ERBB2: variants seen among roughly 807,000 people sequenced by gnomAD.
The protein encoded by ERBB2 is receptor tyrosine-protein kinase erbB-2.
Under a neutral mutation model 149.0 loss-of-function variants are expected in ERBB2, and 61 were observed. The ratio of observed to expected loss-of-function variants is 0.41; its 90% confidence interval spans 0.33 to 0.51. The LOEUF (loss-of-function observed/expected upper bound fraction) is 0.51, where lower values mean the gene tolerates loss of function less well. Among genes scored for constraint, ERBB2 ranks in the 20% least tolerant of loss-of-function variants. The pLI, the probability that ERBB2 is intolerant of heterozygous loss-of-function variation, is 0.25. For missense variants in ERBB2, 1,205 were observed against 1,655.1 expected, an observed-to-expected ratio of 0.73 and a Z score of 4.72; for synonymous variants, 633 against 678.8, an observed-to-expected ratio of 0.93 and a Z score of 1.05.
chr17:39,691,910 C>T (rs143112208), upstream of ERBB2, among the ~76,000 whole-genome samples: 1,238 of 82,986 alleles, frequency 0.015, 4 homozygotes, highest in African/African-American at 0.038. Context: ...GATATATATA[C>T]ATATACATAT....
upstream of ERBB2, among the ~76,000 whole-genome samples, chr17:39,690,815 C>T (rs797019183): frequency 1.3e-5 from 2 of 152,104 alleles, no homozygotes; most frequent in South Asian, 4.1e-4. Context: ...TGTGTATCAG[C>T]CATTGTACTC....
At chr17:39,704,509 G>A (rs1183781712) in intron 1 of ERBB2, among the ~76,000 whole-genome samples, 1 of 152,108 alleles carries the variant, frequency 6.6e-6, no homozygotes, top group Admixed American at 6.5e-5. Flanking sequence ...GGAGGCAGAG[G>A]TTGCAGTGAG....
chr17:39,694,286 T>C (rs930551738), upstream of ERBB2, among the ~76,000 whole-genome samples: 77 of 45,088 alleles, frequency 1.7e-3, no homozygotes, highest in Non-Finnish European at 3.2e-3. Flanking sequence ...TATATATATA[T>C]ATACACATAT....
At chr17:39,705,763 A>G (rs540390959) in intron 1 of ERBB2, among the ~76,000 whole-genome samples, 4 of 152,136 alleles carry the variant, frequency 2.6e-5, no homozygotes, top group African/African-American at 7.2e-5. Flanking sequence ...TTAGGCTCCA[A>G]CTTGCTGGGA....
chr17:39,716,158 C>A, intron 12 of ERBB2, 143 bp from the exon 13 acceptor site: 1 of 1,046,074 alleles, frequency 9.6e-7, no homozygotes, highest in Non-Finnish European at 1.4e-6. Flanking sequence ...TTTCTGAAAT[C>A]TCAGAACTCT....
intron 9 of ERBB2, among the ~76,000 whole-genome samples, chr17:39,713,859 C>T (rs928307484): frequency 2.0e-5 from 3 of 151,474 alleles, no homozygotes; most frequent in African/African-American, 7.3e-5. Context: ...AATTCAAGAA[C>T]AGCGTGGGCA....
At chr17:39,692,325 A>T (rs1257608868), upstream of ERBB2, among the ~76,000 whole-genome samples, 4 of 152,106 alleles carry the variant, frequency 2.6e-5, no homozygotes, top group Non-Finnish European at 5.9e-5. Context: ...ATCTAGAAAG[A>T]TAAAAAAGAA....
intron 19 of ERBB2, among the ~76,000 whole-genome samples, 186 bp downstream of exon 19, chr17:39,724,196 G>GCAA (rs2059606459): frequency 6.6e-6 from 1 of 150,580 alleles, no homozygotes; most frequent in Admixed American, 6.6e-5. Context: ...TCGGCTCACT[G>GCAA]CAACCTCCAC....
Position 39,728,278 on chromosome 17 carries a change from C to T in ERBB2, c.*234C>T, listed in dbSNP as rs1567918025. ...GGGGAGTCTTTGTGGATTCTGAGGC[C>T]CTGCCCAATGAGACTCTAGGGTCCA... On this transcript the variant is annotated 3_prime_UTR_variant, in exon 27 of 27. Coordinates refer to ENST00000269571, the MANE Select transcript of ERBB2 (RefSeq NM_004448.4). The T allele has an allele frequency of 4.4e-6, 2 of 456,998 alleles. No homozygotes were observed. The highest frequency in any genetic ancestry group is 5.3e-5 in the South Asian group (1 of 18,964). The allele number at this position is 456,998 out of a possible 1,614,324, so 28.3% of individuals were successfully genotyped here.
At position 39,725,505 on chromosome 17, in the gene ERBB2, G is replaced by A. The variant is rs2059703650; in HGVS notation, c.2725+103G>A. The A allele has an allele frequency of 7.6e-7, 1 of 1,311,448 alleles. No homozygotes were observed. The highest frequency in any genetic ancestry group is 1.4e-5 in the African/African-American group (1 of 69,362). The allele number at this position is 1,311,448 out of a possible 1,614,324, so 81.2% of individuals were successfully genotyped here. A position where few individuals can be genotyped will look rare whatever the true frequency, so the allele number is the denominator to read the frequency against. ...TTACGGGGCCACCTCAGCATGTGAA[G>A]GGAGGGAAGGGGCTGCCTGTGCCCC... On this transcript the variant is annotated intron_variant, in intron 22 of 26. Transcript: ENST00000269571. The surrounding 1 kb of genome is among the most constrained non-coding windows in gnomAD (Gnocchi z 4.6).
At position 39,700,126 on chromosome 17, in the gene ERBB2, G is replaced by A; in HGVS notation, c.-113G>A. Reference sequence around the variant, plus strand: ...CGGGCAGCCGCGCGCCCCTTCCCACGGGGCCCTTTACTGCGCCGCGCGCCC... The same window carrying A: ...CGGGCAGCCGCGCGCCCCTTCCCACAGGGCCCTTTACTGCGCCGCGCGCCC... On this transcript the variant is annotated 5_prime_UTR_variant, in exon 1 of 27. Coordinates refer to ENST00000269571, the MANE Select transcript of ERBB2 (RefSeq NM_004448.4). 2 of 1,297,594 alleles carry A rather than the reference G, an allele frequency of 1.5e-6. No individual in the cohort carries two copies. Among genetic ancestry groups the A allele is most frequent in the Non-Finnish European group, 1.9e-6 (2 of 1,027,396 alleles). The allele number at this position is 1,297,594 out of a possible 1,614,324, so 80.4% of individuals were successfully genotyped here.
chr17:39,726,003 A>T lies in ERBB2; in HGVS notation c.2872+150A>T. 1 of 759,516 alleles carries T rather than the reference A, an allele frequency of 1.3e-6. No homozygotes were observed. The highest frequency in any genetic ancestry group is 1.8e-5 in the African/African-American group (1 of 56,240). 47.0% of individuals were successfully genotyped at this position (759,516 alleles called of 1,614,324 possible). ...CTCAAAACCTTCTTGTATCCCTTTT[A>T]CAGTCAAAGTCCAAAGCCACTCTTG... On this transcript the variant is annotated intron_variant, in intron 23 of 26. Transcript: ENST00000269571. This position sits in a 1 kb window ranked among gnomAD's most constrained non-coding sequence, Gnocchi z 5.1.
intron 9 of ERBB2, among the ~76,000 whole-genome samples, chr17:39,714,450 C>T (rs1488432891): frequency 6.6e-6 from 1 of 152,218 alleles, no homozygotes; most frequent in African/African-American, 2.4e-5. Context: ...GTTTCTTCAT[C>T]TGTAAAGTGG....
intron 15 of ERBB2, among the ~76,000 whole-genome samples, chr17:39,718,880 A>G (rs1190188715): frequency 1.3e-5 from 2 of 152,178 alleles, no homozygotes; most frequent in African/African-American, 4.8e-5. Flanking sequence ...TATGCCCCCT[A>G]GTGGGAATAC....
At chr17:39,704,297 C>T (rs796094845) in intron 1 of ERBB2, among the ~76,000 whole-genome samples, 42 of 152,230 alleles carry the variant, frequency 2.8e-4, no homozygotes, top group African/African-American at 9.6e-4. Flanking sequence ...CAACGGGGAC[C>T]AGGTGCCGTG....
upstream of ERBB2, among the ~76,000 whole-genome samples, chr17:39,692,422 T>TTTTG (rs375364772): frequency 1.4e-5 from 2 of 145,202 alleles, no homozygotes; most frequent in South Asian, 4.4e-4. Flanking sequence ...TTTTTTTTTT[T>TTTTG]AAACGGAGTT....
Position 39,707,008 on chromosome 17 carries a change from T to C in ERBB2, c.92T>C (p.Met31Thr), listed in dbSNP as rs2058483537. 6.3e-7 allele frequency: 1 copy of C among 1,593,700 alleles called. No individual in the cohort carries two copies. The highest frequency in any genetic ancestry group is 1.1e-5 in the South Asian group (1 of 88,132). Residue 31 changes from methionine (M) to threonine (T), a missense_variant, in exon 2 of 27, where the codon ATG becomes ACG. Met to Thr is a moderately conservative substitution (Grantham distance 81, BLOSUM62 -1). Coordinates refer to ENST00000269571, the MANE Select transcript of ERBB2 (RefSeq NM_004448.4). The part of the protein sequence containing the change: ...ASTQVCTGTD[M>T]KLRLPASPET... ...CTGCCAGTGTGCACCGGCACAGACATGAAGCTGCGGCTCCCTGCCAGTCCC... is the reference window on the plus strand; with the variant it reads ...CTGCCAGTGTGCACCGGCACAGACACGAAGCTGCGGCTCCCTGCCAGTCCC...
chr17:39,708,460 C>T lies in ERBB2; in HGVS notation c.365C>T (p.Pro122Leu), dbSNP rs370959592. 3.4e-5 allele frequency: 55 copies of T among 1,614,074 alleles called. No homozygotes were observed. Among genetic ancestry groups the T allele is most frequent in the Middle Eastern group, 1.6e-4 (1 of 6,084 alleles). ...CTGGCCGTGCTAGACAATGGAGACCCGCTGAACAATACCACCCCTGTCACA... is the reference window on the plus strand; with the variant it reads ...CTGGCCGTGCTAGACAATGGAGACCTGCTGAACAATACCACCCCTGTCACA... ...YALAVLDNGD[P>L]LNNTTPVTGA... Residue 122 changes from proline to leucine, a missense_variant, in exon 3 of 27, where the codon CCG (proline) becomes CTG (leucine). Transcript: ENST00000269571.
At chr17:39,716,030 C>A in intron 12 of ERBB2, 91 bp downstream of exon 12, 1 of 1,313,922 alleles carries the variant, frequency 7.6e-7, no homozygotes, top group Non-Finnish European at 1.1e-6. Context: ...TGGACTTGTG[C>A]AGACTGCCCG....
Sources: gnomAD v4.1 joint callset for allele counts (sites outside exome capture counted in the v4.1 genomes callset) on GRCh38, gnomAD v4.1.1 for gene constraint, Gnocchi (gnomAD v3.1) non-coding constraint, MANE v1.5 for transcripts, NCBI Gene and HGNC (gene_info 2026-07-23, HGNC 2026-07-21) for gene names.